UTRN: variants seen among roughly 807,000 people sequenced by gnomAD.
The protein encoded by UTRN is dystrophin-related protein 1.
A neutral mutation model predicts 463.9 loss-of-function variants in UTRN; 283 were observed. The observed-to-expected ratio is 0.61, with a 90% CI of 0.55 to 0.67. The LOEUF (loss-of-function observed/expected upper bound fraction) is 0.67. UTRN is among the 30% of genes least tolerant of loss of function. UTRN has a pLI of 0.00. For synonymous variants in UTRN, 1,442 were observed against 1,431.5 expected (o/e 1.01, Z -0.17); for missense variants, 3,922 against 4,084.3 (o/e 0.96, Z 1.08).
intron 2 of UTRN, among the ~76,000 whole-genome samples, chr6:144,390,032 A>T (rs1296181906): frequency 6.6e-6 from 1 of 152,222 alleles, no homozygotes; most frequent in Non-Finnish European, 1.5e-5. Flanking sequence ...CAAGGTGATG[A>T]TTATAGTTAA....
intron 2 of UTRN, among the ~76,000 whole-genome samples, chr6:144,352,100 C>T (rs1202837703): frequency 6.6e-6 from 1 of 152,076 alleles, no homozygotes; most frequent in African/African-American, 2.4e-5. Flanking sequence ...TTAGTAGCTC[C>T]TAGACTGTGT....
intron 52 of UTRN, among the ~76,000 whole-genome samples, chr6:144,692,980 G>A: frequency 6.6e-6 from 1 of 151,244 alleles, no homozygotes; most frequent in Non-Finnish European, 1.5e-5. Context: ...GTGTAGAATG[G>A]TATTGCCTCA....
chr6:144,664,830 A>T (rs1252239408), intron 51 of UTRN, among the ~76,000 whole-genome samples: 1 of 151,342 alleles, frequency 6.6e-6, no homozygotes, highest in African/African-American at 2.4e-5. Flanking sequence ...ATATGACATA[A>T]CCTTTGAAGA....
rs1437793156 is a variant in UTRN, at chr6:144,393,031, CCATCCATCCATCCATCCATT to C, written c.80-10074_80-10055del. Among the ~76,000 whole-genome samples the C allele has an allele frequency of 7.6e-3, 1,064 of 140,494 alleles. 8 individuals carry two copies. The highest frequency in any genetic ancestry group is 0.021 in the Middle Eastern group (6 of 286). 92.2% of individuals were successfully genotyped at this position (140,494 alleles called of 152,430 possible). On this transcript the variant is annotated intron_variant, in intron 2 of 74. Coordinates refer to ENST00000367545, the MANE Select transcript of UTRN (RefSeq NM_007124.3). Reference sequence around the variant, plus strand: ...TCCATCCATCCATCCATCCATCCATCCATCCATCCATCCATCCATTCATCCATCCATCCATCCCTTTATCT... The same window carrying C: ...TCCATCCATCCATCCATCCATCCATCCATCCATCCATCCATCCCTTTATCT...
intron 5 of UTRN, 134 bp downstream of exon 5, chr6:144,423,760 T>G: frequency 9.2e-7 from 1 of 1,091,736 alleles, no homozygotes; most frequent in Non-Finnish European, 1.3e-6. Context: ...TACTGAACTT[T>G]TTCTGTGAGT....
chr6:144,675,309 G>A (rs1168574460), intron 51 of UTRN, among the ~76,000 whole-genome samples: 1 of 152,176 alleles, frequency 6.6e-6, no homozygotes, highest in Non-Finnish European at 1.5e-5. Context: ...AATGTGATCT[G>A]TCCTCAGGTC....
intron 43 of UTRN, among the ~76,000 whole-genome samples, chr6:144,536,757 C>G (rs1358775497): frequency 6.6e-6 from 1 of 151,878 alleles, no homozygotes; most frequent in Non-Finnish European, 1.5e-5. Flanking sequence ...AAGATACCAC[C>G]AGGCTTTTAA....
In UTRN at chr6:144,816,848, G is replaced by A. The variant is rs531994288; in HGVS notation, c.9358-4034G>A. On this transcript the variant is annotated intron_variant, in intron 65 of 74. Coordinates refer to ENST00000367545, the MANE Select transcript of UTRN (RefSeq NM_007124.3). Reference sequence around the variant, plus strand: ...GCCCTCCTTGGCCTCCCAAAGTGCTGGCATTACAGGTGTGAGCCACTGCAT... The same window carrying A: ...GCCCTCCTTGGCCTCCCAAAGTGCTAGCATTACAGGTGTGAGCCACTGCAT... Among the ~76,000 whole-genome samples the A allele has an allele frequency of 6.0e-5, 9 of 150,650 alleles. No homozygotes were observed. In the South Asian group the frequency reaches 1.5e-3, roughly 25 times the overall value.
At chr6:144,314,735 C>G (rs1026877730) in intron 2 of UTRN, among the ~76,000 whole-genome samples, 3 of 152,016 alleles carry the variant, frequency 2.0e-5, no homozygotes, top group African/African-American at 7.3e-5. Context: ...TTATAAATAG[C>G]CTCAGGTCAG....
At chr6:144,794,047 G>A (rs1406967004) in intron 63 of UTRN, 56 bp downstream of exon 63, 3 of 1,583,240 alleles carry the variant, frequency 1.9e-6, no homozygotes, top group Middle Eastern at 1.9e-4. Flanking sequence ...TTTTGAGGAT[G>A]TTCTGAGACA....
intron 62 of UTRN, among the ~76,000 whole-genome samples, chr6:144,790,724 T>C (rs1364104454): frequency 6.6e-6 from 1 of 152,182 alleles, no homozygotes; most frequent in Non-Finnish European, 1.5e-5. Flanking sequence ...GCTGAAAACG[T>C]TATCTTTTTA....
At position 144,316,154 on chromosome 6, in the gene UTRN, A is replaced by T. The variant is rs529111812; in HGVS notation, c.79+24247A>T. Among the ~76,000 whole-genome samples the T allele has an allele frequency of 3.3e-5, 5 of 152,314 alleles. No individual in the cohort carries two copies. In the South Asian group the frequency reaches 1.0e-3, roughly 32 times the overall value. On this transcript the variant is annotated intron_variant, in intron 2 of 74. Transcript: ENST00000367545. ...TACTTGAGGCCAGGAGTTCGAGACT[A>T]GGCTGGGAAACACAGTGAGACCCTG...
chr6:144,635,066 G>A (rs1239907184), intron 51 of UTRN, among the ~76,000 whole-genome samples: 2 of 151,062 alleles, frequency 1.3e-5, no homozygotes, highest in African/African-American at 4.9e-5. Flanking sequence ...GTGTATATAT[G>A]GGAATATTGT....
At chr6:144,339,700 C>T (rs1037644741) in intron 2 of UTRN, among the ~76,000 whole-genome samples, 1 of 152,086 alleles carries the variant, frequency 6.6e-6, no homozygotes, top group African/African-American at 2.4e-5. Flanking sequence ...GAGCAGAAGT[C>T]TAGTTTTCTA....
chr6:144,371,317 C>T (rs1779963892), intron 2 of UTRN, among the ~76,000 whole-genome samples: 1 of 152,064 alleles, frequency 6.6e-6, no homozygotes. Flanking sequence ...ATCTAGCATG[C>T]TTTTTTAAAT....
chr6:144,567,038 T>G (rs1370872887), intron 50 of UTRN, among the ~76,000 whole-genome samples: 1 of 152,014 alleles, frequency 6.6e-6, no homozygotes, highest in Non-Finnish European at 1.5e-5. Context: ...TCCCAGCTAC[T>G]AGGGAGGCTG....
intron 2 of UTRN, among the ~76,000 whole-genome samples, chr6:144,318,832 C>T (rs73588920): frequency 2.0e-5 from 3 of 151,982 alleles, no homozygotes; most frequent in South Asian, 2.1e-4. Flanking sequence ...GCACTTTGGC[C>T]GGCGTAGGCA....
At chr6:144,379,684 A>T (rs1432382180) in intron 2 of UTRN, among the ~76,000 whole-genome samples, 1 of 152,226 alleles carries the variant, frequency 6.6e-6, no homozygotes, top group Non-Finnish European at 1.5e-5. Flanking sequence ...TGGGTGGGGA[A>T]TTAAGCCCCC....
chr6:144,479,354 G>C (rs1046722482), intron 25 of UTRN, among the ~76,000 whole-genome samples: 1 of 151,992 alleles, frequency 6.6e-6, no homozygotes, highest in Non-Finnish European at 1.5e-5. Flanking sequence ...CCTGACCTCA[G>C]GTGATCCCCC....
Sources: gnomAD v4.1 joint callset for allele counts (sites outside exome capture counted in the v4.1 genomes callset) on GRCh38, gnomAD v4.1.1 for gene constraint, MANE v1.5 for transcripts, NCBI Gene and HGNC (gene_info 2026-07-23, HGNC 2026-07-21) for gene names.